The following NRG4 variants were observed in gnomAD, a reference collection of about 807,000 sequenced individuals.
NRG4 encodes the protein pro-neuregulin-4, membrane-bound isoform.
NRG4 carries 10 observed loss-of-function variants against 15.0 expected under a neutral mutation model. That is an observed-to-expected ratio of 0.67 (90% CI 0.41 to 1.13). The LOEUF (loss-of-function observed/expected upper bound fraction) is 1.13. NRG4 is among the 50% of genes most tolerant of loss of function. The probability of loss-of-function intolerance (pLI) is 0.00; values close to 1 mark genes in which losing one functional copy is unlikely to be tolerated. For missense variants in NRG4, 139 were observed against 140.2 expected (o/e 0.99, Z 0.04); for synonymous variants, 41 against 50.1 (o/e 0.82, Z 0.77).
chr15:76,010,091 GC>G (rs1031308600), intron 2 of NRG4, among the ~76,000 whole-genome samples: 6 of 150,178 alleles, frequency 4.0e-5, no homozygotes, highest in Admixed American at 4.0e-4. Context: ...CTTCCTTCTA[GC>G]CTCACCCCCA....
At chr15:75,978,532 T>G (rs992464236) in intron 3 of NRG4, among the ~76,000 whole-genome samples, 1 of 152,216 alleles carries the variant, frequency 6.6e-6, no homozygotes, top group African/African-American at 2.4e-5. Context: ...CCCTTTAATA[T>G]ACCTTTTATT....
intron 2 of NRG4, among the ~76,000 whole-genome samples, chr15:76,054,794 A>T (rs1245892729): frequency 6.6e-6 from 1 of 152,268 alleles, no homozygotes; most frequent in Admixed American, 6.5e-5. Flanking sequence ...TAAGTATTAT[A>T]GTACAAAAAA....
At chr15:76,026,378 G>A (rs1390722626) in intron 5 of NRG4, among the ~76,000 whole-genome samples, 4 of 152,058 alleles carry the variant, frequency 2.6e-5, no homozygotes, top group Non-Finnish European at 4.4e-5. Flanking sequence ...GGAGAAAATA[G>A]GATATAATCA....
intron 3 of NRG4, among the ~76,000 whole-genome samples, chr15:75,975,364 G>T (rs2033317558): frequency 6.6e-6 from 1 of 152,238 alleles, no homozygotes; most frequent in Middle Eastern, 3.4e-3. Context: ...GGTTAATATT[G>T]TTATGTGTGG....
intron 3 of NRG4, among the ~76,000 whole-genome samples, chr15:76,008,487 CTT>C: frequency 6.6e-6 from 1 of 152,124 alleles, no homozygotes; most frequent in East Asian, 1.9e-4. Context: ...TACAAAATAT[CTT>C]TAGATCTTGG....
chr15:75,994,911 T>C (rs1473092254), intron 3 of NRG4, among the ~76,000 whole-genome samples: 2 of 152,194 alleles, frequency 1.3e-5, no homozygotes, highest in Non-Finnish European at 1.5e-5. Context: ...TGGTGGCTTA[T>C]GCCTGTAATC....
At chr15:76,057,417 T>A (rs1259454940) in intron 1 of NRG4, among the ~76,000 whole-genome samples, 1 of 152,176 alleles carries the variant, frequency 6.6e-6, no homozygotes, top group East Asian at 1.9e-4. Flanking sequence ...GTGAGATCTG[T>A]GGCAGATCTT....
chr15:75,970,636 C>G (rs2033048954), intron 3 of NRG4, among the ~76,000 whole-genome samples: 1 of 152,218 alleles, frequency 6.6e-6, no homozygotes, highest in Non-Finnish European at 1.5e-5. Context: ...AATTCTTTGC[C>G]AAGTTAAACC....
chr15:75,979,066 G>A (rs1052006111), intron 3 of NRG4, among the ~76,000 whole-genome samples: 1 of 151,954 alleles, frequency 6.6e-6, no homozygotes, highest in Non-Finnish European at 1.5e-5. Context: ...GTCCAATTCT[G>A]TAGGTTGTCT....
At chr15:75,968,997 C>T in intron 3 of NRG4, 2 of 211,392 alleles carry the variant, frequency 9.5e-6, no homozygotes, top group South Asian at 1.6e-4. Flanking sequence ...GTTTCACTGT[C>T]CATGTTTTGG....
At chr15:76,059,148 G>C (rs2036231809) in intron 1 of NRG4, among the ~76,000 whole-genome samples, 1 of 152,198 alleles carries the variant, frequency 6.6e-6, no homozygotes, top group Non-Finnish European at 1.5e-5. Context: ...AGGAGATGGG[G>C]ACGTGTAAAA....
intron 3 of NRG4, among the ~76,000 whole-genome samples, chr15:76,005,403 G>A (rs1443290085): frequency 6.9e-6 from 1 of 144,042 alleles, no homozygotes; most frequent in Non-Finnish European, 1.5e-5. Context: ...AAAAAAAAAG[G>A]GCCAGGTGCA....
At chr15:76,053,808 G>A (rs2036082913) in intron 2 of NRG4, among the ~76,000 whole-genome samples, 1 of 150,960 alleles carries the variant, frequency 6.6e-6, no homozygotes, top group Admixed American at 6.6e-5. Context: ...TGGGATTACA[G>A]GCGTGAGCCA....
At chr15:76,024,814 T>C (rs2035260105) in intron 5 of NRG4, among the ~76,000 whole-genome samples, 1 of 152,192 alleles carries the variant, frequency 6.6e-6, no homozygotes, top group Non-Finnish European at 1.5e-5. Flanking sequence ...CTATACTACA[T>C]GATAATCTAG....
chr15:75,978,396 G>C (rs936862812), intron 3 of NRG4, among the ~76,000 whole-genome samples: 1 of 152,068 alleles, frequency 6.6e-6, no homozygotes, highest in Non-Finnish European at 1.5e-5. Flanking sequence ...TTTTATGGCT[G>C]AATAATATTC....
chr15:75,949,210 G>A (rs1214075202), intron 5 of NRG4, among the ~76,000 whole-genome samples: 1 of 151,992 alleles, frequency 6.6e-6, no homozygotes, highest in South Asian at 2.1e-4. Context: ...CCAGAAGTTC[G>A]AGACCAGCCT....
intron 4 of NRG4, 100 bp downstream of exon 4, chr15:75,961,728 T>C: frequency 1.2e-5 from 10 of 817,806 alleles, no homozygotes; most frequent in Non-Finnish European, 2.0e-5. Flanking sequence ...CATAATACAG[T>C]ATCTGGAAAA....
At chr15:76,025,254 A>G (rs546395954) in intron 5 of NRG4, among the ~76,000 whole-genome samples, 2 of 151,800 alleles carry the variant, frequency 1.3e-5, no homozygotes, top group Non-Finnish European at 2.9e-5. Flanking sequence ...CCTGGCTAAC[A>G]CGGTGAAACC....
At chr15:75,995,363 A>G (rs1172604149) in intron 3 of NRG4, among the ~76,000 whole-genome samples, 2 of 152,056 alleles carry the variant, frequency 1.3e-5, no homozygotes, top group African/African-American at 2.4e-5. Context: ...CTGGTGAGAG[A>G]GGGAGCAAGA....
Sources: allele counts gnomAD v4.1 joint callset (sites outside exome capture counted in the v4.1 genomes callset), GRCh38; gene constraint gnomAD v4.1.1; transcripts MANE v1.5; gene names NCBI Gene and HGNC (gene_info 2026-07-23, HGNC 2026-07-21).